GALM: variants seen among roughly 807,000 people sequenced by gnomAD.
GALM encodes galactose mutarotase.
Under a neutral mutation model 37.4 loss-of-function variants are expected in GALM, and 43 were observed. The observed-to-expected ratio is 1.15, with a 90% CI of 0.90 to 1.48. The LOEUF is 1.48. Ranked by LOEUF, GALM falls within the 40% of genes most tolerant of loss-of-function variation. The pLI is 0.00. For synonymous variants in GALM, 199 were observed against 170.6 expected, an observed-to-expected ratio of 1.17 and a Z score of -1.30; for missense variants, 456 against 419.1, an observed-to-expected ratio of 1.09 and a Z score of -0.77.
chr2:38,719,364 GGAGGCT>G (rs1666330215), intron 4 of GALM, among the ~76,000 whole-genome samples: 1 of 151,496 alleles, frequency 6.6e-6, no homozygotes, highest in Non-Finnish European at 1.5e-5. Context: ...CAGCTACTCG[GGAGGCT>G]GAGGCAAATA....
chr2:38,681,484 C>T lies in GALM; in HGVS notation c.550C>T (p.Gln184Ter). The part of the protein sequence containing the change: ...TNHSYFNLAG[Q>*]ASPNINDHEV... ...CCATTCTTACTTCAACCTGGCAGGC[C>T]AGGTAAGTGAACTTGTTTCTTCTTT... is the stretch of plus-strand genomic sequence containing the variant. The change falls in exon 3 of 7, where the codon CAG becomes TAG. Residue 184 changes from glutamine to a stop codon, truncating the protein, a stop_gained and splice_region_variant. Coordinates refer to ENST00000272252, the MANE Select transcript of GALM (RefSeq NM_138801.3). LOFTEE classifies it high-confidence loss of function. 6.2e-7 allele frequency: 1 copy of T among 1,612,952 alleles called. No homozygotes were observed. Among genetic ancestry groups the T allele is most frequent in the Non-Finnish European group, 8.5e-7 (1 of 1,178,968 alleles).
At chr2:38,706,148 G>A (rs367560473) in intron 4 of GALM, among the ~76,000 whole-genome samples, 120 of 152,022 alleles carry the variant, frequency 7.9e-4, no homozygotes, top group Admixed American at 4.8e-3. Context: ...GGGATTACAC[G>A]TGCCCGCCAC....
intron 4 of GALM, among the ~76,000 whole-genome samples, chr2:38,695,025 T>C (rs1172073122): frequency 6.6e-6 from 1 of 152,176 alleles, no homozygotes; most frequent in Non-Finnish European, 1.5e-5. Flanking sequence ...TTTTCTCATA[T>C]GCAGAATCTT....
intron 4 of GALM, among the ~76,000 whole-genome samples, chr2:38,724,634 C>G (rs551839230): frequency 1.3e-5 from 2 of 152,106 alleles, no homozygotes; most frequent in South Asian, 2.1e-4. Flanking sequence ...TTTTTTTCTT[C>G]TCATTTACCA....
intron 4 of GALM, among the ~76,000 whole-genome samples, chr2:38,696,951 G>A (rs1174197782): frequency 4.6e-5 from 7 of 151,496 alleles, no homozygotes; most frequent in Admixed American, 6.6e-5. Context: ...CACCACGCCC[G>A]GCTAATTTTT....
chr2:38,681,170 T>A, intron 2 of GALM, 110 bp from the exon 3 acceptor site: 1 of 894,794 alleles, frequency 1.1e-6, no homozygotes. Flanking sequence ...AAAGTCTTAA[T>A]TGATTGTATA....
chr2:38,681,628 T>C (rs1665399445), intron 3 of GALM, 142 bp downstream of exon 3: 3 of 663,066 alleles, frequency 4.5e-6, no homozygotes, highest in East Asian at 2.7e-5. Context: ...AGAGGGCTTA[T>C]AGTAGGTGCT....
intron 4 of GALM, among the ~76,000 whole-genome samples, chr2:38,699,552 T>C (rs1000213584): frequency 6.6e-6 from 1 of 152,134 alleles, no homozygotes; most frequent in African/African-American, 2.4e-5. Flanking sequence ...GTGCGGTGGC[T>C]CATGCCTGTA....
chr2:38,667,930 G>T (rs1664997530), intron 1 of GALM, among the ~76,000 whole-genome samples: 1 of 152,194 alleles, frequency 6.6e-6, no homozygotes, highest in Non-Finnish European at 1.5e-5. Context: ...GAGGGGTCCT[G>T]CCCCATACCC....
At chr2:38,708,731 G>GA (rs35151264) in intron 4 of GALM, among the ~76,000 whole-genome samples, 1,982 of 91,488 alleles carry the variant, frequency 0.022, 53 homozygotes, top group African/African-American at 0.06. Context: ...TCTGTCTCAA[G>GA]AAAAAAAAAA....
At chr2:38,731,495 G>A (rs576189715) in intron 5 of GALM, among the ~76,000 whole-genome samples, 1 of 151,862 alleles carries the variant, frequency 6.6e-6, no homozygotes, top group African/African-American at 2.4e-5. Context: ...GCTGGCAGGA[G>A]TGAGTCTGTT....
In GALM at chr2:38,703,072, ATATATATATATATATATATATTTTTTT is replaced by A. The variant is rs1374872929; in HGVS notation, c.634+13180_634+13206del. 7.6e-3 allele frequency among the ~76,000 whole-genome samples: 34 copies of A among 4,480 alleles called. 2 individuals are homozygous for A. Among genetic ancestry groups the A allele is most frequent in the African/African-American group, 0.016 (32 of 1,958 alleles). The allele number at this position is 4,480 out of a possible 152,430, so 2.9% of individuals were successfully genotyped here. A position where few individuals can be genotyped will look rare whatever the true frequency, so the allele number is the denominator to read the frequency against. ...TGGGATTTTATATATATATATATATATATATATATATATATATATATTTTTTTTTTTTTTTTTTTTTTTTTTTTTTTT... is the reference window on the plus strand; with the variant it reads ...TGGGATTTTATATATATATATATATATTTTTTTTTTTTTTTTTTTTTTTTT... On this transcript the variant is annotated intron_variant, in intron 4 of 6. Transcript: ENST00000272252.
chr2:38,687,576 G>C (rs536195570), intron 3 of GALM, among the ~76,000 whole-genome samples: 67 of 152,032 alleles, frequency 4.4e-4, no homozygotes, highest in African/African-American at 1.5e-3. Flanking sequence ...CTAGCATGGT[G>C]GTGGGCACCT....
intron 4 of GALM, among the ~76,000 whole-genome samples, chr2:38,719,295 C>G (rs1387659356): frequency 6.6e-6 from 1 of 151,348 alleles, no homozygotes; most frequent in Non-Finnish European, 1.5e-5. Flanking sequence ...GATGGTGAAA[C>G]CCTGTCTCTA....
At chr2:38,677,302 A>G (rs763797254) in intron 2 of GALM, among the ~76,000 whole-genome samples, 8 of 152,060 alleles carry the variant, frequency 5.3e-5, no homozygotes, top group Admixed American at 1.3e-4. Context: ...AGGAACATGT[A>G]TGGCCACTAA....
At chr2:38,666,403 T>C (rs1244251848) in intron 1 of GALM, 52 bp downstream of exon 1, 1 of 1,367,646 alleles carries the variant, frequency 7.3e-7, no homozygotes, top group East Asian at 2.4e-5. Context: ...CCACGCTACA[T>C]ACCTCCCGGA....
At chr2:38,720,040 A>C (rs1305324832) in intron 4 of GALM, among the ~76,000 whole-genome samples, 1 of 151,432 alleles carries the variant, frequency 6.6e-6, no homozygotes, top group Admixed American at 6.6e-5. Flanking sequence ...CGTCTCTACT[A>C]AAAAAAATAA....
intron 5 of GALM, 82 bp downstream of exon 5, chr2:38,729,779 A>G (rs1211298501): frequency 3.8e-5 from 44 of 1,166,392 alleles, no homozygotes; most frequent in Non-Finnish European, 4.8e-5. Flanking sequence ...TCCTCTGGCC[A>G]TATCAATAGC....
intron 4 of GALM, among the ~76,000 whole-genome samples, chr2:38,695,790 G>A (rs1267031487): frequency 1.3e-5 from 2 of 151,952 alleles, no homozygotes; most frequent in South Asian, 2.1e-4. Flanking sequence ...TCCACCTCCC[G>A]GGTTCAAGTG....
Sources: gnomAD v4.1 joint callset for allele counts (sites outside exome capture counted in the v4.1 genomes callset) on GRCh38, gnomAD v4.1.1 for gene constraint, MANE v1.5 for transcripts, NCBI Gene and HGNC (gene_info 2026-07-23, HGNC 2026-07-21) for gene names.